Variants in UNC13C observed in about 807,000 individuals in gnomAD.
UNC13C encodes protein unc-13 homolog C.
Under a neutral mutation model 245.4 loss-of-function variants are expected in UNC13C, and 174 were observed. The observed-to-expected ratio is 0.71, with a 90% CI of 0.63 to 0.80. The LOEUF (loss-of-function observed/expected upper bound fraction) is 0.80, where lower values mean the gene tolerates loss of function less well. Ranked by LOEUF, UNC13C falls within the 30% of genes least tolerant of loss-of-function variation. The pLI is 0.00. For missense variants in UNC13C, 2,829 were observed against 2,602.9 expected (o/e 1.09, Z -1.89); for synonymous variants, 992 against 895.1 (o/e 1.11, Z -1.93).
chr15:54,588,686 C>T (rs1898614286), intron 30 of UNC13C, among the ~76,000 whole-genome samples: 1 of 152,178 alleles, frequency 6.6e-6, no homozygotes, highest in Non-Finnish European at 1.5e-5. Flanking sequence ...CATTCTTATG[C>T]ATTTGCATCC....
chr15:54,202,268 C>G (rs1486463175), intron 4 of UNC13C, among the ~76,000 whole-genome samples: 1 of 151,896 alleles, frequency 6.6e-6, no homozygotes, highest in South Asian at 2.1e-4. Context: ...AAATTCGATA[C>G]AATTCCTATC....
chr15:54,463,844 A>C (rs1055919531), intron 19 of UNC13C, among the ~76,000 whole-genome samples: 1 of 152,154 alleles, frequency 6.6e-6, no homozygotes. Context: ...AGGGAATGCC[A>C]TTGTTGGTAA....
intron 2 of UNC13C, among the ~76,000 whole-genome samples, chr15:54,033,843 C>T (rs1010261748): frequency 4.6e-5 from 7 of 152,182 alleles, no homozygotes; most frequent in Non-Finnish European, 7.3e-5. Flanking sequence ...CATAGGAGAT[C>T]TGTATGTCCT....
intron 19 of UNC13C, among the ~76,000 whole-genome samples, chr15:54,461,891 G>C (rs1173730119): frequency 6.6e-6 from 1 of 152,154 alleles, no homozygotes; most frequent in Non-Finnish European, 1.5e-5. Flanking sequence ...AAGAATACTG[G>C]TATGAAATAA....
chr15:53,859,423 G>T, the UNC13C span, among the ~76,000 whole-genome samples: 2 of 152,118 alleles, frequency 1.3e-5, no homozygotes, highest in Non-Finnish European at 2.9e-5. Flanking sequence ...ACTAATGGAA[G>T]GGATAGCCCA....
At chr15:53,938,866 A>G in the UNC13C span, among the ~76,000 whole-genome samples, 2 of 152,302 alleles carry the variant, frequency 1.3e-5, no homozygotes, top group South Asian at 4.1e-4. Flanking sequence ...TAAGAGGGAA[A>G]TTTATAGCAC....
At position 54,341,348 on chromosome 15, in the gene UNC13C, C is replaced by T. The variant is rs768077340; in HGVS notation, c.4713+2859C>T. 1.0e-3 allele frequency among the ~76,000 whole-genome samples: 159 copies of T among 152,130 alleles called. 1 individual carries two copies. Among genetic ancestry groups the T allele is most frequent in the Non-Finnish European group, 7.6e-4 (52 of 68,014 alleles). On this transcript the variant is annotated intron_variant, in intron 17 of 32. Transcript: ENST00000260323. ...GAGGTCATTATCCTAAACAAAATAACGCAGGAAAGGAAAACTAAATACTGC... is the reference window on the plus strand; with the variant it reads ...GAGGTCATTATCCTAAACAAAATAATGCAGGAAAGGAAAACTAAATACTGC...
chr15:54,304,962 T>C (rs547381258), intron 13 of UNC13C, among the ~76,000 whole-genome samples: 375 of 152,232 alleles, frequency 2.5e-3, no homozygotes, highest in South Asian at 6.6e-3. Flanking sequence ...TTTATCTCAA[T>C]CTGTTAATAT....
the UNC13C span, among the ~76,000 whole-genome samples, chr15:53,952,415 A>G: frequency 6.6e-6 from 1 of 152,170 alleles, no homozygotes; most frequent in African/African-American, 2.4e-5. Context: ...TAACTAAATA[A>G]TTCTCCCGTT....
the UNC13C span, among the ~76,000 whole-genome samples, chr15:53,895,331 G>C: frequency 7.9e-6 from 1 of 125,832 alleles, no homozygotes; most frequent in Non-Finnish European, 1.6e-5. Context: ...GGGTGACAGA[G>C]TGAGATTTCA....
chr15:53,963,269 C>T, the UNC13C span, among the ~76,000 whole-genome samples: 3 of 152,194 alleles, frequency 2.0e-5, no homozygotes, highest in African/African-American at 7.2e-5. Context: ...AGACCCTCAA[C>T]TTCTGTCTTC....
At chr15:54,213,220 T>TATATATAATTATATATAAAA (rs1304932275) in intron 4 of UNC13C, among the ~76,000 whole-genome samples, 1 of 151,988 alleles carries the variant, frequency 6.6e-6, no homozygotes, top group Admixed American at 6.6e-5. Context: ...ACCCTATAAA[T>TATATATAATTATATATAAAA]ATATATAATT....
intron 2 of UNC13C, among the ~76,000 whole-genome samples, chr15:54,079,717 A>G (rs766464836): frequency 6.6e-6 from 1 of 152,018 alleles, no homozygotes; most frequent in African/African-American, 2.4e-5. Context: ...TAAAAGAATC[A>G]TTAAGGCTTT....
At chr15:53,888,398 G>GT in the UNC13C span, among the ~76,000 whole-genome samples, 3 of 150,798 alleles carry the variant, frequency 2.0e-5, no homozygotes, top group African/African-American at 4.9e-5. Flanking sequence ...TTTTAATAGA[G>GT]TTTTTTTTTC....
chr15:53,901,016 C>T, the UNC13C span, among the ~76,000 whole-genome samples: 3 of 151,880 alleles, frequency 2.0e-5, no homozygotes, highest in Non-Finnish European at 2.9e-5. Context: ...ACATACATCT[C>T]TAAAAATGTG....
chr15:54,126,773 A>G (rs909356083), intron 2 of UNC13C, among the ~76,000 whole-genome samples: 7 of 152,212 alleles, frequency 4.6e-5, no homozygotes, highest in Non-Finnish European at 8.8e-5. Context: ...TGAACAGGCA[A>G]TCTGCAAAAT....
chr15:54,262,630 A>G (rs2036455061), intron 8 of UNC13C, among the ~76,000 whole-genome samples: 1 of 152,148 alleles, frequency 6.6e-6, no homozygotes, highest in Non-Finnish European at 1.5e-5. Context: ...AGTGTAGACC[A>G]TTTACAATGT....
chr15:54,151,335 C>T (rs2032505578), intron 4 of UNC13C, among the ~76,000 whole-genome samples: 1 of 152,080 alleles, frequency 6.6e-6, no homozygotes, highest in Non-Finnish European at 1.5e-5. Context: ...GAACATGAAA[C>T]CTCAGGATAA....
chr15:53,896,950 T>C, the UNC13C span, among the ~76,000 whole-genome samples: 1 of 152,044 alleles, frequency 6.6e-6, no homozygotes, highest in African/African-American at 2.4e-5. Flanking sequence ...AAAATAAACT[T>C]CTATTTGGGA....
Sources: allele counts gnomAD v4.1 joint callset (sites outside exome capture counted in the v4.1 genomes callset), GRCh38; gene constraint gnomAD v4.1.1; transcripts MANE v1.5; gene names NCBI Gene and HGNC (gene_info 2026-07-23, HGNC 2026-07-21).